Variants in SOX5 observed in about 807,000 individuals in gnomAD.
The protein encoded by SOX5 is transcription factor SOX-5.
Under a neutral mutation model 92.0 loss-of-function variants are expected in SOX5, and 9 were observed. The ratio of observed to expected loss-of-function variants is 0.10; its 90% CI spans 0.06 to 0.17. The LOEUF (loss-of-function observed/expected upper bound fraction) is 0.17, where lower values mean the gene tolerates loss of function less well. SOX5 is among the 10% of genes least tolerant of loss of function. The probability of loss-of-function intolerance (pLI) is 1.00; values close to 1 mark genes in which losing one functional copy is unlikely to be tolerated. For synonymous variants in SOX5, 344 were observed against 336.3 expected (o/e 1.02, Z -0.25); for missense variants, 642 against 944.5 (o/e 0.68, Z 4.20).
At chr12:24,517,064 C>T (rs774658295) in intron 1 of SOX5, among the ~76,000 whole-genome samples, 5 of 152,148 alleles carry the variant, frequency 3.3e-5, no homozygotes, top group Non-Finnish European at 7.4e-5. Flanking sequence ...TTTTCAAAAA[C>T]AGGCATGTTA....
At chr12:23,640,652 T>G (rs2138718667) in intron 8 of SOX5, among the ~76,000 whole-genome samples, 160 bp downstream of exon 8, 1 of 152,260 alleles carries the variant, frequency 6.6e-6, no homozygotes, top group Admixed American at 6.5e-5. Flanking sequence ...ATTAAGAGAA[T>G]CAACATTTCA....
At chr12:23,795,652 A>T (rs145305432) in intron 3 of SOX5, among the ~76,000 whole-genome samples, 3 of 152,194 alleles carry the variant, frequency 2.0e-5, no homozygotes, top group African/African-American at 7.2e-5. Context: ...AACAGAAAAA[A>T]TGCTGAATGG....
chr12:23,679,767 C>G (rs765331081), intron 6 of SOX5, among the ~76,000 whole-genome samples: 1 of 152,030 alleles, frequency 6.6e-6, no homozygotes, highest in Non-Finnish European at 1.5e-5. Flanking sequence ...GAAGTTCAGC[C>G]AAACATTAAT....
chr12:23,962,963 G>A (rs1437453090), intron 4 of SOX5, among the ~76,000 whole-genome samples: 1 of 151,982 alleles, frequency 6.6e-6, no homozygotes, highest in Non-Finnish European at 1.5e-5. Context: ...TAATGATCCT[G>A]TCCAATTAAA....
chr12:24,339,285 T>C (rs554075736), intron 2 of SOX5, among the ~76,000 whole-genome samples: 1 of 151,502 alleles, frequency 6.6e-6, no homozygotes, highest in South Asian at 2.1e-4. Flanking sequence ...CTCTGGAGAA[T>C]CAAGAAAAGA....
At chr12:23,618,018 G>A (rs1185880708) in intron 8 of SOX5, among the ~76,000 whole-genome samples, 3 of 151,910 alleles carry the variant, frequency 2.0e-5, no homozygotes, top group Admixed American at 6.6e-5. Context: ...TTTTTATGCC[G>A]CTCCAGACTT....
At chr12:23,755,396 G>T (rs2094333329) in intron 4 of SOX5, among the ~76,000 whole-genome samples, 1 of 151,728 alleles carries the variant, frequency 6.6e-6, no homozygotes, top group Admixed American at 6.6e-5. Flanking sequence ...ATCAGAGCCT[G>T]TTAGAGGTAT....
At chr12:23,571,912 T>C (rs749019874) in intron 10 of SOX5, among the ~76,000 whole-genome samples, 6 of 151,782 alleles carry the variant, frequency 4.0e-5, no homozygotes, top group African/African-American at 9.7e-5. Flanking sequence ...AGTGAGAAAA[T>C]AGATGAAAAA....
At chr12:24,416,414 A>G (rs1458705015) in intron 1 of SOX5, among the ~76,000 whole-genome samples, 1 of 152,184 alleles carries the variant, frequency 6.6e-6, no homozygotes, top group African/African-American at 2.4e-5. Flanking sequence ...GTTTTCCTCT[A>G]CCAGTATCTC....
intron 1 of SOX5, among the ~76,000 whole-genome samples, chr12:24,506,782 G>GTTTTTGTTTT (rs1386116375): frequency 1.2e-5 from 1 of 80,278 alleles, no homozygotes; most frequent in African/African-American, 5.1e-5. Context: ...TATCCAAATG[G>GTTTTTGTTTT]TCTTTTTTTT....
At chr12:24,109,036 A>G (rs1309965451) in intron 4 of SOX5, among the ~76,000 whole-genome samples, 1 of 152,146 alleles carries the variant, frequency 6.6e-6, no homozygotes, top group Non-Finnish European at 1.5e-5. Context: ...AATGTTCTGA[A>G]TAGTAGCATA....
At chr12:23,926,818 A>C (rs1439098912) in intron 1 of SOX5, among the ~76,000 whole-genome samples, 2 of 152,084 alleles carry the variant, frequency 1.3e-5, no homozygotes, top group Non-Finnish European at 2.9e-5. Flanking sequence ...GCCTTTGAGA[A>C]GCACAATTCT....
chr12:23,993,150 C>T (rs1950716480), intron 4 of SOX5, among the ~76,000 whole-genome samples: 1 of 152,108 alleles, frequency 6.6e-6, no homozygotes, highest in South Asian at 2.1e-4. Flanking sequence ...CTATAGGCTA[C>T]AGATCTCAGA....
chr12:23,970,724 T>C (rs570578599), intron 4 of SOX5, among the ~76,000 whole-genome samples: 4 of 148,348 alleles, frequency 2.7e-5, no homozygotes, highest in African/African-American at 9.9e-5. Context: ...CATTTGACCA[T>C]TGTGAACCGT....
intron 4 of SOX5, among the ~76,000 whole-genome samples, chr12:23,962,706 C>T (rs993909271): frequency 2.0e-5 from 3 of 152,074 alleles, no homozygotes; most frequent in African/African-American, 7.2e-5. Flanking sequence ...ATTTTGATTG[C>T]ATTTAAAGTG....
At chr12:24,059,141 A>ATTT (rs1418718376) in intron 4 of SOX5, among the ~76,000 whole-genome samples, 53 of 152,178 alleles carry the variant, frequency 3.5e-4, no homozygotes, top group African/African-American at 1.2e-3. Context: ...TACTGTATGC[A>ATTT]TATTACATTT....
upstream of SOX5, chr12:23,950,979 A>G (rs1595870032): frequency 2.4e-5 from 1 of 41,492 alleles, no homozygotes. Context: ...ACACGCATGC[A>G]CACACACACA....
At position 24,036,593 on chromosome 12, in the gene SOX5, T is replaced by C. The variant is rs74068087; in HGVS notation, c.-1-140569A>G. 8.2e-3 allele frequency among the ~76,000 whole-genome samples: 1,255 copies of C among 152,276 alleles called. 17 individuals are homozygous for C. Among genetic ancestry groups the C allele is most frequent in the African/African-American group, 0.029 (1,214 of 41,552 alleles). On this transcript the variant is annotated intron_variant, in intron 4 of 4. Coordinates refer to the SOX5 transcript ENST00000446891. ...TTCAATACACTGTAAGCCGTGCCCCTCACACAGTTGACATCAATTCTCAGT... is the reference window on the plus strand; with the variant it reads ...TTCAATACACTGTAAGCCGTGCCCCCCACACAGTTGACATCAATTCTCAGT...
At chr12:24,421,899 T>G (rs1241837181) in intron 1 of SOX5, among the ~76,000 whole-genome samples, 4 of 152,200 alleles carry the variant, frequency 2.6e-5, no homozygotes, top group Admixed American at 2.6e-4. Context: ...CAGGAAACTA[T>G]TAGCAGTATT....
Sources: gnomAD v4.1 joint callset for allele counts (sites outside exome capture counted in the v4.1 genomes callset) on GRCh38, gnomAD v4.1.1 for gene constraint, MANE v1.5 for transcripts, NCBI Gene and HGNC (gene_info 2026-07-23, HGNC 2026-07-21) for gene names.